CYRIA: variants seen among roughly 807,000 people sequenced by gnomAD.
The protein encoded by CYRIA is CYFIP related Rac1 interactor A.
A neutral mutation model predicts 43.9 loss-of-function variants in CYRIA; 15 were observed. The ratio of observed to expected loss-of-function variants is 0.34; its 90% confidence interval spans 0.23 to 0.53. The LOEUF (loss-of-function observed/expected upper bound fraction) is 0.53. Ranked by LOEUF, CYRIA falls within the 20% of genes least tolerant of loss-of-function variation. The probability of loss-of-function intolerance (pLI) is 0.94; values close to 1 mark genes in which losing one functional copy is unlikely to be tolerated. For missense variants in CYRIA, 236 were observed against 394.2 expected, an observed-to-expected ratio of 0.60 and a Z score of 3.40; for synonymous variants, 117 against 136.0, an observed-to-expected ratio of 0.86 and a Z score of 0.97.
chr2:16,636,290 C>G lies in CYRIA; in HGVS notation c.-166-12271G>C, dbSNP rs572878017. Among the ~76,000 whole-genome samples the G allele has an allele frequency of 2.6e-5, 4 of 152,288 alleles. No homozygotes were observed. In the South Asian group the frequency reaches 8.3e-4, roughly 32 times the overall value. ...CCATAAACCATCCGACTCACAAAGC[C>G]CTTTAATTAAAAGCCCAAGGGCCCA... On this transcript the variant is annotated intron_variant, in intron 1 of 11. Transcript: ENST00000381323.
chr2:16,601,620 A>C (rs1668208917), intron 2 of CYRIA, among the ~76,000 whole-genome samples: 1 of 151,916 alleles, frequency 6.6e-6, no homozygotes, highest in Non-Finnish European at 1.5e-5. Context: ...TCTCAGTTCA[A>C]AACCACTTCT....
intron 3 of CYRIA, among the ~76,000 whole-genome samples, chr2:16,570,984 T>C (rs1038650295): frequency 6.6e-6 from 1 of 152,190 alleles, no homozygotes; most frequent in Non-Finnish European, 1.5e-5. Context: ...GTGATTTACA[T>C]GGGCAGTTTC....
intron 2 of CYRIA, among the ~76,000 whole-genome samples, chr2:16,591,601 T>C (rs1572487480): frequency 1.3e-5 from 2 of 152,022 alleles, no homozygotes. Flanking sequence ...TTGGTTAGGG[T>C]GTACTCTGAA....
At chr2:16,641,166 CA>C (rs1219291339) in intron 1 of CYRIA, among the ~76,000 whole-genome samples, 1 of 152,160 alleles carries the variant, frequency 6.6e-6, no homozygotes, top group African/African-American at 2.4e-5. Context: ...CCCAAAGCAG[CA>C]CGGCTATTAT....
intron 2 of CYRIA, among the ~76,000 whole-genome samples, chr2:16,622,231 C>A (rs753324991): frequency 1.8e-4 from 28 of 152,120 alleles, no homozygotes; most frequent in Admixed American, 8.5e-4. Flanking sequence ...TCAGCTAATA[C>A]CTCATGGGAC....
chr2:16,561,767 T>G (rs1666743170), intron 6 of CYRIA, among the ~76,000 whole-genome samples: 1 of 152,198 alleles, frequency 6.6e-6, no homozygotes, highest in Non-Finnish European at 1.5e-5. Flanking sequence ...AACAGATACT[T>G]GAAAAGGTTT....
chr2:16,639,679 G>A (rs1442688636), intron 1 of CYRIA, among the ~76,000 whole-genome samples: 1 of 152,224 alleles, frequency 6.6e-6, no homozygotes, highest in Non-Finnish European at 1.5e-5. Context: ...AGACTGCAGT[G>A]ACAGAAATTG....
intron 1 of CYRIA, among the ~76,000 whole-genome samples, chr2:16,659,208 A>G (rs148521335): frequency 1.3e-5 from 2 of 152,334 alleles, no homozygotes; most frequent in Non-Finnish European, 2.9e-5. Context: ...GACACATGCT[A>G]ATTAACTCCA....
At chr2:16,642,488 C>T (rs764076881) in intron 1 of CYRIA, among the ~76,000 whole-genome samples, 5 of 152,204 alleles carry the variant, frequency 3.3e-5, no homozygotes, top group Admixed American at 6.5e-5. Flanking sequence ...ATCAAGAACA[C>T]GCTGCCGCCA....
chr2:16,561,622 A>C, intron 6 of CYRIA, 89 bp from the exon 7 acceptor site: 2 of 994,654 alleles, frequency 2.0e-6, no homozygotes, highest in Non-Finnish European at 3.1e-6. Context: ...AGATTTTATA[A>C]ATACTCCAGG....
chr2:16,647,181 T>C (rs10172312), intron 1 of CYRIA, among the ~76,000 whole-genome samples: 27,409 of 152,194 alleles, frequency 0.18, 4,994 homozygotes, highest in African/African-American at 0.46. Flanking sequence ...AATGAAACCA[T>C]ATCTGGTACA....
intron 1 of CYRIA, among the ~76,000 whole-genome samples, chr2:16,631,747 AC>A (rs1321737474): frequency 6.6e-6 from 1 of 152,184 alleles, no homozygotes; most frequent in Non-Finnish European, 1.5e-5. Context: ...GGCCAAGCTG[AC>A]CTTGACTATC....
At chr2:16,663,838 T>G (rs978558533) in intron 1 of CYRIA, among the ~76,000 whole-genome samples, 1 of 151,874 alleles carries the variant, frequency 6.6e-6, no homozygotes, top group Non-Finnish European at 1.5e-5. Context: ...CCTCCTATAG[T>G]GTGGGTTTAG....
In CYRIA at chr2:16,576,160, C is replaced by T. The variant is rs149660643; in HGVS notation, c.71-10393G>A. Among the ~76,000 whole-genome samples the T allele has an allele frequency of 4.0e-4, 61 of 152,230 alleles. 3 individuals carry two copies. In the East Asian group the frequency reaches 0.011, roughly 27 times the overall value. On this transcript the variant is annotated intron_variant, in intron 3 of 11. Coordinates refer to ENST00000381323, the MANE Select transcript of CYRIA (RefSeq NM_030797.4). Reference sequence around the variant, plus strand: ...ACACTTTTGGGAGATATGGATTCAACGATATAGTTCCTGTCCTCAAGGACC... The same window carrying T: ...ACACTTTTGGGAGATATGGATTCAATGATATAGTTCCTGTCCTCAAGGACC...
intron 1 of CYRIA, among the ~76,000 whole-genome samples, chr2:16,658,307 C>T (rs951864640): frequency 9.9e-5 from 15 of 152,114 alleles, no homozygotes; most frequent in Non-Finnish European, 1.8e-4. Context: ...CGTCATTTCC[C>T]ACCCAGAGAA....
chr2:16,577,670 C>T (rs1667398425), intron 3 of CYRIA, among the ~76,000 whole-genome samples: 1 of 152,134 alleles, frequency 6.6e-6, no homozygotes, highest in Non-Finnish European at 1.5e-5. Context: ...TGTGAAGTGT[C>T]ATGAAAGCTG....
chr2:16,635,527 T>C (rs1405852662), intron 1 of CYRIA, among the ~76,000 whole-genome samples: 1 of 152,162 alleles, frequency 6.6e-6, no homozygotes, highest in East Asian at 1.9e-4. Context: ...CTAGTTGAAA[T>C]AGCAATGCAG....
At chr2:16,640,648 A>G (rs1452438616) in intron 1 of CYRIA, among the ~76,000 whole-genome samples, 1 of 152,148 alleles carries the variant, frequency 6.6e-6, no homozygotes, top group Non-Finnish European at 1.5e-5. Context: ...TTTGCTCAAA[A>G]TTACTGGTGA....
intron 2 of CYRIA, among the ~76,000 whole-genome samples, chr2:16,602,493 G>T (rs1003129070): frequency 1.3e-5 from 2 of 152,022 alleles, no homozygotes; most frequent in African/African-American, 4.8e-5. Context: ...ATGAACATAT[G>T]TCAAAGGGAG....
Sources: gnomAD v4.1 joint callset for allele counts (sites outside exome capture counted in the v4.1 genomes callset) on GRCh38, gnomAD v4.1.1 for gene constraint, MANE v1.5 for transcripts, NCBI Gene and HGNC (gene_info 2026-07-23, HGNC 2026-07-21) for gene names.